The following NTRK1 variants were observed in gnomAD, a reference collection of about 807,000 sequenced individuals.
NTRK1 encodes the protein neurotrophic receptor tyrosine kinase 1.
NTRK1 carries 62 observed loss-of-function variants against 86.8 expected under a neutral mutation model. That is an observed-to-expected ratio of 0.71 (90% CI 0.58 to 0.88). NTRK1 has a LOEUF of 0.88. Among genes scored for constraint, NTRK1 ranks in the 40% least tolerant of loss-of-function variants. The pLI is 0.00. For missense variants in NTRK1, 967 were observed against 1,078.4 expected, an observed-to-expected ratio of 0.90 and a Z score of 1.45; for synonymous variants, 469 against 456.6, an observed-to-expected ratio of 1.03 and a Z score of -0.35.
chr1:156,863,585 G>A (rs1174758574), intron 1 of NTRK1, among the ~76,000 whole-genome samples: 2 of 152,124 alleles, frequency 1.3e-5, no homozygotes, highest in African/African-American at 4.8e-5. Flanking sequence ...AAAGATGGTA[G>A]GGGAGGTTTC....
rs1647825257 is a variant in NTRK1, at chr1:156,875,189, C to T, written c.1354+181C>T. ...TTGTGAGTGTGAGTGTGTGTGGGAG[C>T]GTGTGTCGGGCTGGTGCTGGGGTAG... On this transcript the variant is annotated intron_variant, in intron 11 of 16. Transcript: ENST00000524377. 2.6e-5 allele frequency among the ~76,000 whole-genome samples: 4 copies of T among 150,982 alleles called. No individual in the cohort carries two copies. The South Asian group carries it at 6.3e-4, about 24-fold the overall frequency.
chr1:156,859,444 A>G (rs1655530212), upstream of NTRK1, among the ~76,000 whole-genome samples: 1 of 152,046 alleles, frequency 6.6e-6, no homozygotes, highest in Non-Finnish European at 1.5e-5. The surrounding 1 kb of genome is among the most constrained non-coding windows in gnomAD (Gnocchi z 6.2). Flanking sequence ...CGCTGTGTCT[A>G]GATTCTGCTT....
intron 10 of NTRK1, 140 bp downstream of exon 10, chr1:156,874,766 C>T (rs1647791670): frequency 8.7e-7 from 1 of 1,154,816 alleles, no homozygotes; most frequent in African/African-American, 1.5e-5. Context: ...ACAGCCACTG[C>T]AGGGGTCCCC....
chr1:156,858,625 C>T (rs1231330694), upstream of NTRK1: 10 of 1,613,750 alleles, frequency 6.2e-6, no homozygotes, highest in Non-Finnish European at 8.5e-7. Flanking sequence ...CTGCCATTGT[C>T]CCAGCCCTGG....
upstream of NTRK1, among the ~76,000 whole-genome samples, chr1:156,856,796 T>G (rs1655420276): frequency 6.6e-6 from 1 of 152,142 alleles, no homozygotes; most frequent in Non-Finnish European, 1.5e-5. Context: ...CCAAGTTCAC[T>G]CCTTCCTTGG....
In NTRK1 at chr1:156,876,175, C is replaced by T. The variant is rs760564817; in HGVS notation, c.1597C>T (p.Leu533=). 108 of 1,614,064 alleles carry T rather than the reference C, an allele frequency of 6.7e-5. 3 individuals are homozygous for T. In the South Asian group the frequency reaches 1.1e-3, roughly 17 times the overall value. The change falls in exon 13 of 17, where the codon CTG becomes TTG. Residue 533 remains leucine (L), a synonymous_variant. Coordinates refer to ENST00000524377, the MANE Select transcript of NTRK1 (RefSeq NM_002529.4). The stretch of plus-strand genomic sequence containing the variant: ...CTTCCTTGCTGAGTGCCACAACCTC[C>T]TGCCTGAGCAGGACAAGATGCTGGT... ...KVFLAECHNL[L]PEQDKMLVAV...
intron 6 of NTRK1, 144 bp downstream of exon 6, chr1:156,868,791 A>T (rs918228292): frequency 7.5e-7 from 1 of 1,328,274 alleles, no homozygotes. Context: ...GATGGTTTAG[A>T]CCCACAGGGC....
At chr1:156,847,701 G>A (rs1655060898) in intron 2 of NTRK1, among the ~76,000 whole-genome samples, 1 of 152,080 alleles carries the variant, frequency 6.6e-6, no homozygotes, top group South Asian at 2.1e-4. Context: ...GGTGTCATGG[G>A]AGCAGGTGTC....
intron 16 of NTRK1, 84 bp from the exon 17 acceptor site, chr1:156,881,373 G>T: frequency 1.5e-6 from 2 of 1,378,750 alleles, no homozygotes; most frequent in Non-Finnish European, 9.9e-7. Context: ...TGCCTTGGGA[G>T]CCTCAGTGAG....
upstream of NTRK1, among the ~76,000 whole-genome samples, chr1:156,859,352 A>G (rs1258168356): frequency 6.6e-6 from 1 of 151,940 alleles, no homozygotes. This position sits in a 1 kb window ranked among gnomAD's most constrained non-coding sequence, Gnocchi z 6.2. Flanking sequence ...GCTCCCGCCA[A>G]CCCTTTGTCC....
chr1:156,824,018 G>C (rs1304900642), intron 1 of NTRK1, among the ~76,000 whole-genome samples: 1 of 152,156 alleles, frequency 6.6e-6, no homozygotes, highest in Non-Finnish European at 1.5e-5. Context: ...GGTTCCTAGG[G>C]AGGCACTCAT....
chr1:156,816,749 A>T (rs750472848), intron 1 of NTRK1: 6 of 1,557,212 alleles, frequency 3.9e-6, no homozygotes, highest in Admixed American at 1.9e-5. Context: ...GGGTGTGTGT[A>T]TGTGTTCCGG....
chr1:156,861,102 G>T lies in NTRK1; in HGVS notation c.168G>T (p.Leu56=). Residue 56 remains leucine (L), a synonymous_variant, in exon 1 of 17, where the codon CTG becomes CTT. Coordinates refer to ENST00000524377, the MANE Select transcript of NTRK1 (RefSeq NM_002529.4). ...SGLRCTRDGA[L]DSLHHLPGAE... ...TGCGATGCACCCGGGATGGGGCCCTGGATAGCCTCCACCACCTGCCCGGCG... is the reference window on the plus strand; with the variant it reads ...TGCGATGCACCCGGGATGGGGCCCTTGATAGCCTCCACCACCTGCCCGGCG... 1 of 1,585,258 alleles carries T rather than the reference G, an allele frequency of 6.3e-7. No individual in the cohort carries two copies.
At chr1:156,826,218 C>A (rs1197900468) in intron 1 of NTRK1, among the ~76,000 whole-genome samples, 1 of 151,270 alleles carries the variant, frequency 6.6e-6, no homozygotes, top group Non-Finnish European at 1.5e-5. Context: ...CCTGAGAAGA[C>A]CCTTTTCAAA....
At chr1:156,860,675 CGGAGCTGAG>C, upstream of NTRK1, 1 of 529,520 alleles carries the variant, frequency 1.9e-6, no homozygotes, top group Non-Finnish European at 3.1e-6. Context: ...CAGCGTCTGC[CGGAGCTGAG>C]GCGGATCCTC....
rs1352457390 is a variant in NTRK1, at chr1:156,844,760, C to G, written c.50+2567C>G. 3.7e-6 allele frequency: 6 copies of G among 1,614,000 alleles called. No homozygotes were observed. The African/African-American group carries it at 4.0e-5, about 11-fold the overall frequency. On this transcript the variant is annotated intron_variant, in intron 2 of 16. Coordinates refer to the NTRK1 transcript ENST00000392302. ...TACTTGAGGATGAGTCCGTTGGGGT[C>G]TGGTGGCTCGAGCCAGCGCAGAAGG...
intron 1 of NTRK1, chr1:156,816,850 G>A: frequency 1.4e-6 from 1 of 700,934 alleles, no homozygotes; most frequent in Non-Finnish European, 2.2e-6. Context: ...CTTAGTTCTG[G>A]CGAGGACTCA....
In NTRK1 at chr1:156,868,149, G is replaced by C. The variant is rs2102892856; in HGVS notation, c.474G>C (p.Trp158Cys). ...NPLHCSCALRWLQRWEEEGLG... is the reference protein window; with the variant it reads ...NPLHCSCALRCLQRWEEEGLG... Reference sequence around the variant, plus strand: ...TGCACTGTTCTTGTGCCCTGCGCTGGCTACAGCGCTGGGAGGAGGAGGGAC... The same window carrying C: ...TGCACTGTTCTTGTGCCCTGCGCTGCCTACAGCGCTGGGAGGAGGAGGGAC... The change falls in exon 5 of 17, where the codon TGG becomes TGC. Residue 158 changes from tryptophan (W) to cysteine (C), a missense_variant. Trp to Cys is a radical substitution (Grantham distance 215, BLOSUM62 -2). This residue lies in a region of NTRK1 where 330 missense variants were observed against 302.0 expected (regional missense o/e 1.09). Coordinates refer to ENST00000524377, the MANE Select transcript of NTRK1 (RefSeq NM_002529.4). 6.2e-7 allele frequency: 1 copy of C among 1,613,868 alleles called. No individual in the cohort carries two copies. The highest frequency in any genetic ancestry group is 8.5e-7 in the Non-Finnish European group (1 of 1,180,036).
upstream of NTRK1, among the ~76,000 whole-genome samples, chr1:156,857,163 ATGTGTGTGTGTGTGTGTGTGTGTGTGTG>A (rs57324546): frequency 5.4e-5 from 7 of 130,628 alleles, no homozygotes; most frequent in South Asian, 2.8e-4. Context: ...GCAGCTGTGT[ATGTGTGTGTGTGTGTGTGTGTGTGTGTG>A]TGTGTGTGTG....
Sources: allele counts gnomAD v4.1 joint callset (sites outside exome capture counted in the v4.1 genomes callset), GRCh38; gene constraint gnomAD v4.1.1; regional missense constraint gnomAD v4.1.1; non-coding constraint Gnocchi (gnomAD v3.1); transcripts MANE v1.5; gene names NCBI Gene and HGNC (gene_info 2026-07-23, HGNC 2026-07-21).